Variants in DRAXIN observed in about 807,000 individuals in gnomAD.
DRAXIN encodes the protein dorsal inhibitory axon guidance protein, also known as dorsal repulsive axon guidance protein.
In DRAXIN, 27 loss-of-function variants were observed where a neutral mutation model predicts 33.9. The observed-to-expected ratio is 0.80, with a 90% CI of 0.59 to 1.10. The LOEUF (loss-of-function observed/expected upper bound fraction) is 1.10, where lower values mean the gene tolerates loss of function less well. Among genes scored for constraint, DRAXIN ranks in the 50% least tolerant of loss-of-function variants. The pLI, the probability that DRAXIN is intolerant of heterozygous loss-of-function variation, is 0.00. For synonymous variants in DRAXIN, 178 were observed against 194.0 expected (o/e 0.92, Z 0.69); for missense variants, 371 against 460.8 (o/e 0.81, Z 1.78).
Position 11,697,605 on chromosome 1 carries a change from T to C in DRAXIN, c.-11+5752T>C, listed in dbSNP as rs562215501. ...CAGGACTATGTGTCCGCCCTCAGAC[T>C]GGTGGTTTCCAGGAGCAGAAGCCAG... is the stretch of plus-strand genomic sequence containing the variant. On this transcript the variant is annotated intron_variant, in intron 1 of 6. Transcript: ENST00000294485. Among the ~76,000 whole-genome samples, 26 of 152,300 alleles carry C rather than the reference T, an allele frequency of 1.7e-4. No homozygotes were observed. In the South Asian group the frequency reaches 5.2e-3, roughly 30 times the overall value.
intron 6 of DRAXIN, among the ~76,000 whole-genome samples, chr1:11,716,918 G>A (rs950980397): frequency 3.3e-5 from 5 of 152,190 alleles, no homozygotes; most frequent in African/African-American, 1.2e-4. Context: ...AGCAAGTTCT[G>A]TGCCCATGAA....
intron 6 of DRAXIN, among the ~76,000 whole-genome samples, chr1:11,718,993 C>T (rs1045760167): frequency 1.3e-5 from 2 of 152,120 alleles, no homozygotes; most frequent in African/African-American, 2.4e-5. Context: ...CTCCACCTCC[C>T]GGGTTCATGT....
chr1:11,687,435 T>C (rs1393552632), upstream of DRAXIN, among the ~76,000 whole-genome samples: 1 of 152,212 alleles, frequency 6.6e-6, no homozygotes, highest in Non-Finnish European at 1.5e-5. The surrounding 1 kb of genome is among the most constrained non-coding windows in gnomAD (Gnocchi z 4.1). Context: ...ACATGAGGTT[T>C]TGCCATATTG....
At chr1:11,718,052 C>G (rs1466598781) in intron 6 of DRAXIN, among the ~76,000 whole-genome samples, 10 of 149,048 alleles carry the variant, frequency 6.7e-5, no homozygotes, top group African/African-American at 2.5e-4. Flanking sequence ...GCCTGTAATC[C>G]CATCACTTTG....
At chr1:11,698,656 C>T (rs1011770169) in intron 1 of DRAXIN, among the ~76,000 whole-genome samples, 7 of 152,178 alleles carry the variant, frequency 4.6e-5, no homozygotes, top group Admixed American at 6.5e-5. Flanking sequence ...AGTTCAAGAC[C>T]AGCCTGGGCA....
rs1279721240 is a variant in DRAXIN, at chr1:11,719,966, C to T, written c.*270C>T. 8.8e-6 allele frequency: 4 copies of T among 455,238 alleles called. No homozygotes were observed. The highest frequency in any genetic ancestry group is 4.1e-6 in the Non-Finnish European group (1 of 244,692). 28.2% of individuals were successfully genotyped at this position (455,238 alleles called of 1,614,324 possible). A position where few individuals can be genotyped will look rare whatever the true frequency, so the allele number is the denominator to read the frequency against. ...CTCCGCGATGGCAATGCCGAGAGTG[C>T]CCTCTACTGTCCGACTCCAGCACTG... On this transcript the variant is annotated 3_prime_UTR_variant, in exon 7 of 7. Transcript: ENST00000294485.
At chr1:11,688,643 A>C (rs116249410), upstream of DRAXIN, among the ~76,000 whole-genome samples, 403 of 152,254 alleles carry the variant, frequency 2.6e-3, 1 homozygote, top group South Asian at 0.015. The surrounding 1 kb of genome is among the most constrained non-coding windows in gnomAD (Gnocchi z 4.6). Flanking sequence ...TGGTCCCTCT[A>C]AAAAGCTCAA....
At chr1:11,708,938 C>T (rs889521609) in intron 2 of DRAXIN, among the ~76,000 whole-genome samples, 1 of 152,188 alleles carries the variant, frequency 6.6e-6, no homozygotes, top group Non-Finnish European at 1.5e-5. Context: ...TCCAGGAAGC[C>T]TTCCATGGTT....
At chr1:11,719,474 G>A in intron 6 of DRAXIN, 110 bp from the exon 7 acceptor site, 1 of 929,096 alleles carries the variant, frequency 1.1e-6, no homozygotes, top group Non-Finnish European at 1.7e-6. Flanking sequence ...GGGTTGTAGG[G>A]CAGAATAATG....
upstream of DRAXIN, among the ~76,000 whole-genome samples, chr1:11,690,588 A>G (rs1641041954): frequency 6.6e-6 from 1 of 152,212 alleles, no homozygotes; most frequent in African/African-American, 2.4e-5. This position sits in a 1 kb window ranked among gnomAD's most constrained non-coding sequence, Gnocchi z 4.2. Context: ...TAAAACCTCA[A>G]AGTCATAATT....
upstream of DRAXIN, among the ~76,000 whole-genome samples, chr1:11,689,521 G>A (rs945874803): frequency 6.6e-6 from 1 of 152,106 alleles, no homozygotes; most frequent in Middle Eastern, 3.2e-3. Flanking sequence ...GCTTGAACCC[G>A]GGAGGTGGAG....
rs1490045604 is a variant in DRAXIN, at chr1:11,694,454, T to TAACAGGCAC, written c.-11+2602_-11+2603insACAGGCACA. 3.4e-4 allele frequency among the ~76,000 whole-genome samples: 52 copies of TAACAGGCAC among 152,120 alleles called. No homozygotes were observed. Among genetic ancestry groups the TAACAGGCAC allele is most frequent in the African/African-American group, 1.3e-3 (52 of 41,500 alleles). ...ATGAGGGTGGTCTCTGTGCCTGTTATAGGGGTAGAAACTGAGACCAGAGAA... is the reference window on the plus strand; with the variant it reads ...ATGAGGGTGGTCTCTGTGCCTGTTATAACAGGCACAGGGGTAGAAACTGAGACCAGAGAA... On this transcript the variant is annotated intron_variant, in intron 1 of 6. Transcript: ENST00000294485. This position sits in a 1 kb window ranked among gnomAD's most constrained non-coding sequence, Gnocchi z 4.9.
rs1328041979 is a variant in DRAXIN at position 11,694,108 on chromosome 1, C to T, written c.-11+2255C>T. On this transcript the variant is annotated intron_variant, in intron 1 of 6. Coordinates refer to ENST00000294485, the MANE Select transcript of DRAXIN (RefSeq NM_198545.4). The surrounding 1 kb of genome is among the most constrained non-coding windows in gnomAD (Gnocchi z 4.9). ...AGCACCCCGGCACTCCCTTGCCTCC[C>T]TAGCTCTTGTGAACTGCACGGCATA... 6.6e-6 allele frequency among the ~76,000 whole-genome samples: 1 copy of T among 152,110 alleles called. No homozygotes were observed. The highest frequency in any genetic ancestry group is 1.5e-5 in the Non-Finnish European group (1 of 68,014).
At chr1:11,707,003 G>A (rs1641394918) in intron 2 of DRAXIN, among the ~76,000 whole-genome samples, 1 of 152,078 alleles carries the variant, frequency 6.6e-6, no homozygotes, top group Non-Finnish European at 1.5e-5. Flanking sequence ...CATGAGATCA[G>A]GAGATCGAGA....
At chr1:11,700,183 T>C (rs1347241355) in intron 1 of DRAXIN, among the ~76,000 whole-genome samples, 5 of 152,068 alleles carry the variant, frequency 3.3e-5, no homozygotes, top group African/African-American at 4.8e-5. Flanking sequence ...TGAGCCGAGA[T>C]TGTGCCACTG....
At chr1:11,715,000 C>G (rs1641553138) in intron 5 of DRAXIN, 119 bp from the exon 6 acceptor site, 3 of 1,213,840 alleles carry the variant, frequency 2.5e-6, no homozygotes, top group Admixed American at 1.9e-5. Context: ...GATGGCCCAC[C>G]CCGCCAGGGC....
At chr1:11,686,670 T>G in the DRAXIN span, among the ~76,000 whole-genome samples, 6 of 152,162 alleles carry the variant, frequency 3.9e-5, no homozygotes, top group African/African-American at 7.2e-5. Context: ...GCCAAAGTGT[T>G]GGGATTACAG....
At chr1:11,710,184 CAAAA>C (rs34519157) in intron 3 of DRAXIN, among the ~76,000 whole-genome samples, 3 of 122,458 alleles carry the variant, frequency 2.4e-5, no homozygotes, top group African/African-American at 3.0e-5. Context: ...GACTTTGTCT[CAAAA>C]AAAAAAAAAA....
At chr1:11,695,613 T>A (rs201372640) in intron 1 of DRAXIN, among the ~76,000 whole-genome samples, 6,545 of 104,176 alleles carry the variant, frequency 0.063, 162 homozygotes, top group East Asian at 0.09. Context: ...AAAAAAAAAA[T>A]ATATATATAT....
Sources: gnomAD v4.1 joint callset for allele counts (sites outside exome capture counted in the v4.1 genomes callset) on GRCh38, gnomAD v4.1.1 for gene constraint, Gnocchi (gnomAD v3.1) non-coding constraint, MANE v1.5 for transcripts, NCBI Gene and HGNC (gene_info 2026-07-23, HGNC 2026-07-21) for gene names.